The following FUBP1 variants were observed in gnomAD, a reference collection of about 807,000 sequenced individuals.
FUBP1 encodes far upstream element binding protein 1.
In FUBP1, 16 loss-of-function variants were observed where a neutral mutation model predicts 94.9. The observed-to-expected ratio is 0.17, with a 90% confidence interval of 0.11 to 0.26. FUBP1 has a LOEUF of 0.26. Among genes scored for constraint, FUBP1 ranks in the 10% least tolerant of loss-of-function variants. FUBP1 has a pLI of 1.00. For missense variants in FUBP1, 583 were observed against 808.6 expected (o/e 0.72, Z 3.38); for synonymous variants, 279 against 254.9 (o/e 1.09, Z -0.90).
At chr1:77,956,551 T>C (rs1289885566) in intron 17 of FUBP1, 21 bp downstream of exon 17, 2 of 1,597,292 alleles carry the variant, frequency 1.3e-6, no homozygotes, top group South Asian at 1.1e-5. Flanking sequence ...GGCTTTCACA[T>C]ACAATAAGTT....
At chr1:77,963,951 A>G (rs1364898447) in intron 12 of FUBP1, 111 bp downstream of exon 12, 1 of 759,630 alleles carries the variant, frequency 1.3e-6, no homozygotes, top group African/African-American at 1.8e-5. Flanking sequence ...AACTTTCTCC[A>G]TTAATAAAGC....
intron 18 of FUBP1, 135 bp from the exon 19 acceptor site, chr1:77,949,435 CAA>C (rs201574163): frequency 3.6e-4 from 177 of 497,902 alleles, no homozygotes; most frequent in South Asian, 1.2e-3. Context: ...CCTTGTTGAC[CAA>C]AAAAAAAAAC....
At chr1:77,973,281 T>C (rs964282965) in intron 1 of FUBP1, among the ~76,000 whole-genome samples, 2 of 152,306 alleles carry the variant, frequency 1.3e-5, no homozygotes, top group African/African-American at 4.8e-5. Context: ...AGTCTCAAGA[T>C]GTTACCCAGA....
In FUBP1 at chr1:77,946,716, A is replaced by G. The variant is rs1652227588; in HGVS notation, c.*2050T>C. The G allele has an allele frequency of 4.8e-6, 1 of 207,208 alleles. No homozygotes were observed. The highest frequency in any genetic ancestry group is 7.3e-5 in the East Asian group (1 of 13,648). The allele number at this position is 207,208 out of a possible 1,614,324, so 12.8% of individuals were successfully genotyped here. On this transcript the variant is annotated 3_prime_UTR_variant, in exon 20 of 20. Transcript: ENST00000370768. The stretch of plus-strand genomic sequence containing the variant: ...CTTCTTCAGTTCAATTAATAAATGC[A>G]CCACTTTCCTAAAAGGTCATCTATA...
At chr1:77,964,484 T>C (rs1361106916) in intron 10 of FUBP1, 128 bp from the exon 11 acceptor site, 4 of 674,608 alleles carry the variant, frequency 5.9e-6, no homozygotes, top group Non-Finnish European at 1.0e-5. Context: ...TAATTCTATA[T>C]TTATAGTAAA....
At chr1:77,951,102 C>T (rs571059842) in intron 18 of FUBP1, among the ~76,000 whole-genome samples, 34 of 152,310 alleles carry the variant, frequency 2.2e-4, no homozygotes, top group African/African-American at 7.7e-4. Context: ...AATAAAACCA[C>T]ACATTGTCTC....
intron 1 of FUBP1, among the ~76,000 whole-genome samples, chr1:77,975,639 AC>A (rs1658456132): frequency 6.6e-6 from 1 of 152,218 alleles, no homozygotes; most frequent in Admixed American, 6.5e-5. Flanking sequence ...GAGGAAAAAA[AC>A]GGTAGATAAA....
intron 16 of FUBP1, 107 bp from the exon 17 acceptor site, chr1:77,956,807 AAATTAACTAGAACATT>A: frequency 1.6e-6 from 1 of 636,122 alleles, no homozygotes; most frequent in Admixed American, 2.7e-5. Context: ...ACAGCCCCCA[AAATTAACTAGAACATT>A]AAAAAAAGTA....
At chr1:77,968,663 A>T (rs553032639) in intron 2 of FUBP1, among the ~76,000 whole-genome samples, 4 of 151,314 alleles carry the variant, frequency 2.6e-5, no homozygotes, top group Non-Finnish European at 5.9e-5. Flanking sequence ...AAACAAAAAA[A>T]CCCCCCACAA....
At chr1:77,977,984 T>A (rs561242261) in intron 1 of FUBP1, among the ~76,000 whole-genome samples, 18 of 152,322 alleles carry the variant, frequency 1.2e-4, no homozygotes, top group Admixed American at 1.0e-3. Flanking sequence ...TTAAAACTAG[T>A]AAAAAATGCC....
At position 77,945,874 on chromosome 1, in the gene FUBP1, T is replaced by C. The variant is rs1571192358; in HGVS notation, c.*2892A>G. ...AAATGCAGCGTCAGTTATTAAAATA[T>C]TATTAAATCAGAAAAATACTGATTG... On this transcript the variant is annotated 3_prime_UTR_variant, in exon 20 of 20. Transcript: ENST00000370768. The C allele has an allele frequency of 4.8e-6, 1 of 209,704 alleles. No homozygotes were observed. Among genetic ancestry groups the C allele is most frequent in the East Asian group, 7.2e-5 (1 of 13,854 alleles). 13.0% of individuals were successfully genotyped at this position (209,704 alleles called of 1,614,324 possible).
intron 1 of FUBP1, among the ~76,000 whole-genome samples, chr1:77,977,094 C>T (rs1263766553): frequency 2.0e-5 from 3 of 152,332 alleles, no homozygotes; most frequent in Non-Finnish European, 2.9e-5. Context: ...AATTAAATAT[C>T]CATATTTTGT....
rs1462674865 is a variant in FUBP1 at position 77,946,027 on chromosome 1, A to G, written c.*2739T>C. 5.1e-6 allele frequency: 1 copy of G among 197,198 alleles called. No homozygotes were observed. The highest frequency in any genetic ancestry group is 2.3e-5 in the African/African-American group (1 of 43,438). 12.2% of individuals were successfully genotyped at this position (197,198 alleles called of 1,614,324 possible). A position where few individuals can be genotyped will look rare whatever the true frequency, so the allele number is the denominator to read the frequency against. On this transcript the variant is annotated 3_prime_UTR_variant, in exon 20 of 20. Coordinates refer to ENST00000370768, the MANE Select transcript of FUBP1 (RefSeq NM_003902.5). Reference sequence around the variant, plus strand: ...ATAACTTTTGTCTAAGAAAAAAATCATAATAAAATTCTAACCCATAATATC... The same window carrying G: ...ATAACTTTTGTCTAAGAAAAAAATCGTAATAAAATTCTAACCCATAATATC...
At chr1:77,950,284 C>G (rs1571220908) in intron 18 of FUBP1, among the ~76,000 whole-genome samples, 1 of 152,172 alleles carries the variant, frequency 6.6e-6, no homozygotes, top group East Asian at 1.9e-4. Flanking sequence ...ACCTCAGCCT[C>G]TAGAGTAGCT....
In FUBP1 at chr1:77,968,170, T is replaced by C. The variant is rs1378467069; in HGVS notation, c.245A>G (p.Asn82Ser). ...QPDAKKVAPQ[N>S]DSFGTQLPPM... ...AGTTTAAAAGGAATACTTACAGTCA[T>C]TTTGAGGAGCAACTTTCTTAGCATC... Residue 82 changes from asparagine to serine, a missense_variant, in exon 3 of 20, where the codon AAT becomes AGT. By Grantham distance (46) the Asn-to-Ser change is conservative. Coordinates refer to ENST00000370768, the MANE Select transcript of FUBP1 (RefSeq NM_003902.5). 3 of 1,534,480 alleles carry C rather than the reference T, an allele frequency of 2.0e-6. No homozygotes were observed. Among genetic ancestry groups the C allele is most frequent in the Non-Finnish European group, 2.6e-6 (3 of 1,146,696 alleles).
chr1:77,977,359 C>CAA (rs529889755), intron 1 of FUBP1, among the ~76,000 whole-genome samples: 11 of 151,652 alleles, frequency 7.3e-5, no homozygotes, highest in African/African-American at 2.4e-4. Flanking sequence ...AACAAACAAA[C>CAA]AAAAAAAACA....
At chr1:77,967,361 T>C (rs1305031584) in intron 4 of FUBP1, among the ~76,000 whole-genome samples, 2 of 152,052 alleles carry the variant, frequency 1.3e-5, no homozygotes, top group African/African-American at 4.8e-5. Flanking sequence ...TGAAGTGGAG[T>C]TTAGAGAATG....
intron 16 of FUBP1, among the ~76,000 whole-genome samples, chr1:77,958,137 T>G (rs1197227002): frequency 1.3e-5 from 2 of 152,180 alleles, no homozygotes; most frequent in Non-Finnish European, 2.9e-5. Flanking sequence ...CACTTTACAC[T>G]ATGCCTGGAT....
intron 1 of FUBP1, 22 bp downstream of exon 1, chr1:77,978,863 C>A: frequency 1.2e-6 from 2 of 1,613,604 alleles, no homozygotes; most frequent in Non-Finnish European, 1.7e-6. Context: ...TTTCGGGATT[C>A]CGCCGCGCGG....
Sources: allele counts gnomAD v4.1 joint callset (sites outside exome capture counted in the v4.1 genomes callset), GRCh38; gene constraint gnomAD v4.1.1; transcripts MANE v1.5; gene names NCBI Gene and HGNC (gene_info 2026-07-23, HGNC 2026-07-21).